TMEM132C: variants seen among roughly 807,000 people sequenced by gnomAD.
TMEM132C encodes the protein transmembrane protein 132C, also known as protein phosphatase 1, regulatory subunit 152.
A neutral mutation model predicts 61.4 loss-of-function variants in TMEM132C; 29 were observed. The ratio of observed to expected loss-of-function variants is 0.47; its 90% CI spans 0.35 to 0.64. The LOEUF (loss-of-function observed/expected upper bound fraction) is 0.64. Among genes scored for constraint, TMEM132C ranks in the 30% least tolerant of loss-of-function variants. The probability of loss-of-function intolerance (pLI) is 0.00; values close to 1 mark genes in which losing one functional copy is unlikely to be tolerated. For missense variants in TMEM132C, 1,408 were observed against 1,476.9 expected (o/e 0.95, Z 0.76); for synonymous variants, 656 against 633.1 (o/e 1.04, Z -0.54).
chr12:128,648,355 C>T (rs867026868), intron 4 of TMEM132C, among the ~76,000 whole-genome samples: 265 of 75,584 alleles, frequency 3.5e-3, no homozygotes, highest in African/African-American at 8.8e-3. Flanking sequence ...TGGATATGAG[C>T]GTGTTTACTG....
chr12:128,607,801 G>A (rs1045512466), intron 3 of TMEM132C, among the ~76,000 whole-genome samples: 1 of 152,312 alleles, frequency 6.6e-6, no homozygotes, highest in African/African-American at 2.4e-5. Context: ...AGTATGCATA[G>A]CACCCCTGGA....
intron 4 of TMEM132C, among the ~76,000 whole-genome samples, chr12:128,635,668 C>G (rs1954097997): frequency 6.6e-6 from 1 of 151,986 alleles, no homozygotes. Context: ...TAAAAGCAAC[C>G]CACAGTGAAG....
chr12:128,694,123 G>A, intron 6 of TMEM132C, 89 bp downstream of exon 6: 1 of 1,382,072 alleles, frequency 7.2e-7, no homozygotes, highest in Non-Finnish European at 9.9e-7. Flanking sequence ...CTTAAGAGAT[G>A]CTGGTATTGT....
At chr12:128,312,012 C>T (rs992100577) in intron 1 of TMEM132C, among the ~76,000 whole-genome samples, 3 of 152,298 alleles carry the variant, frequency 2.0e-5, no homozygotes, top group Non-Finnish European at 2.9e-5. Flanking sequence ...AAAGGGACCC[C>T]GGAGCGGGGC....
intron 2 of TMEM132C, among the ~76,000 whole-genome samples, chr12:128,419,225 C>G (rs1205136886): frequency 6.6e-6 from 1 of 152,292 alleles, no homozygotes; most frequent in Admixed American, 6.5e-5. Flanking sequence ...GTCAAGAAAC[C>G]AATAGGTATT....
chr12:128,617,798 G>A (rs1166018546), intron 4 of TMEM132C, among the ~76,000 whole-genome samples: 1 of 152,166 alleles, frequency 6.6e-6, no homozygotes, highest in Admixed American at 6.5e-5. Flanking sequence ...AACAGATGCT[G>A]GTCAGACAAA....
At chr12:128,487,145 G>A (rs1593070818) in intron 2 of TMEM132C, among the ~76,000 whole-genome samples, 1 of 152,282 alleles carries the variant, frequency 6.6e-6, no homozygotes, top group East Asian at 1.9e-4. Flanking sequence ...ATCTTGCGTG[G>A]TATTGCTCAT....
chr12:128,479,095 T>G (rs949863479), intron 2 of TMEM132C, among the ~76,000 whole-genome samples: 1 of 152,154 alleles, frequency 6.6e-6, no homozygotes, highest in Admixed American at 6.5e-5. Context: ...CCCATCATCC[T>G]TAGCAAACTA....
At chr12:128,458,404 T>C (rs1467569069) in intron 2 of TMEM132C, among the ~76,000 whole-genome samples, 1 of 151,748 alleles carries the variant, frequency 6.6e-6, no homozygotes, top group African/African-American at 2.4e-5. Flanking sequence ...ACAATTTAGT[T>C]TCTTAATTTT....
chr12:128,489,780 G>A (rs1473748939), intron 2 of TMEM132C, among the ~76,000 whole-genome samples: 1 of 152,002 alleles, frequency 6.6e-6, no homozygotes, highest in African/African-American at 2.4e-5. Flanking sequence ...GTCTATATAT[G>A]TATGAGGGCA....
chr12:128,324,845 A>C (rs1440931135), intron 1 of TMEM132C, among the ~76,000 whole-genome samples: 1 of 152,196 alleles, frequency 6.6e-6, no homozygotes, highest in East Asian at 1.9e-4. Context: ...TTTTAAAAAA[A>C]ATGTTGTGAG....
intron 2 of TMEM132C, among the ~76,000 whole-genome samples, chr12:128,426,790 A>C (rs1869199980): frequency 6.6e-6 from 1 of 152,158 alleles, no homozygotes; most frequent in South Asian, 2.1e-4. Context: ...TGTGGGAAAC[A>C]TTTAAACATA....
intron 2 of TMEM132C, among the ~76,000 whole-genome samples, chr12:128,467,416 T>G (rs1039165909): frequency 2.6e-5 from 4 of 152,324 alleles, no homozygotes; most frequent in African/African-American, 9.6e-5. Flanking sequence ...TGGGCTGTCT[T>G]GGGCTGTTGC....
intron 1 of TMEM132C, among the ~76,000 whole-genome samples, chr12:128,277,002 TCTTA>T (rs767475377): frequency 3.3e-5 from 5 of 152,054 alleles, no homozygotes; most frequent in African/African-American, 4.8e-5. Context: ...AAGAAAAAGC[TCTTA>T]CTTATGCCCT....
chr12:128,495,991 T>C (rs867306803), intron 2 of TMEM132C, among the ~76,000 whole-genome samples: 4 of 151,976 alleles, frequency 2.6e-5, no homozygotes, highest in Middle Eastern at 3.4e-3. Flanking sequence ...TTTCCATGTT[T>C]AGTGCTTCCT....
chr12:128,613,658 C>T (rs966522608), intron 3 of TMEM132C, among the ~76,000 whole-genome samples: 4 of 152,164 alleles, frequency 2.6e-5, no homozygotes, highest in Admixed American at 6.5e-5. Context: ...GCCCTGTTCC[C>T]GGCCCTGTGA....
At chr12:128,662,356 T>C (rs1283264132) in intron 4 of TMEM132C, among the ~76,000 whole-genome samples, 1 of 152,188 alleles carries the variant, frequency 6.6e-6, no homozygotes, top group East Asian at 1.9e-4. Flanking sequence ...TGACAGGCAA[T>C]CCATAAACAT....
intron 1 of TMEM132C, among the ~76,000 whole-genome samples, chr12:128,362,342 A>C (rs1873732859): frequency 6.6e-6 from 1 of 152,180 alleles, no homozygotes; most frequent in South Asian, 2.1e-4. Flanking sequence ...AAGGTCTCTC[A>C]GTAGCCAGAT....
chr12:128,338,933 G>A (rs138699159), intron 1 of TMEM132C, among the ~76,000 whole-genome samples: 15 of 152,106 alleles, frequency 9.9e-5, no homozygotes, highest in Admixed American at 5.9e-4. Flanking sequence ...TTGTAAAGAC[G>A]TTGGGTTGGC....
Sources: allele counts gnomAD v4.1 joint callset (sites outside exome capture counted in the v4.1 genomes callset), GRCh38; gene constraint gnomAD v4.1.1; transcripts MANE v1.5; gene names NCBI Gene and HGNC (gene_info 2026-07-23, HGNC 2026-07-21).